The following PCDHGB5 variants were observed in gnomAD, a reference collection of about 807,000 sequenced individuals.
The protein encoded by PCDHGB5 is protocadherin gamma-B5.
Under a neutral mutation model 62.9 loss-of-function variants are expected in PCDHGB5, and 48 were observed. That is an observed-to-expected ratio of 0.76 (90% CI 0.61 to 0.97). PCDHGB5 has a LOEUF of 0.97. PCDHGB5 is among the 50% of genes least tolerant of loss of function. The pLI is 0.00. For synonymous variants in PCDHGB5, 474 were observed against 511.2 expected, an observed-to-expected ratio of 0.93 and a Z score of 0.98; for missense variants, 1,118 against 1,198.6, an observed-to-expected ratio of 0.93 and a Z score of 0.99.
rs372245447 is a variant in PCDHGB5, at chr5:141,489,609, C to T, written c.2398-5198C>T. ...AGCTAATCCGTGTAGAGGTAGAGAT[C>T]CTGGATCTCAATGACAACTCTCCTA... On this transcript the variant is annotated intron_variant, in intron 1 of 3. Coordinates refer to ENST00000617380, the MANE Select transcript of PCDHGB5 (RefSeq NM_018925.3). This position sits in a 1 kb window ranked among gnomAD's most constrained non-coding sequence, Gnocchi z 4.5. The T allele has an allele frequency of 1.9e-6, 3 of 1,613,934 alleles. No homozygotes were observed. The African/African-American group carries it at 4.0e-5, about 22-fold the overall frequency.
At chr5:141,453,780 C>T (rs1330142662) in intron 1 of PCDHGB5, among the ~76,000 whole-genome samples, 3 of 152,090 alleles carry the variant, frequency 2.0e-5, no homozygotes, top group African/African-American at 4.8e-5. Flanking sequence ...TTTTAGTTAC[C>T]ATGGTATATT....
In PCDHGB5 at chr5:141,485,053, G is replaced by A. The variant is rs555996081; in HGVS notation, c.2398-9754G>A. On this transcript the variant is annotated intron_variant, in intron 1 of 3. Coordinates refer to ENST00000617380, the MANE Select transcript of PCDHGB5 (RefSeq NM_018925.3). The surrounding 1 kb of genome is among the most constrained non-coding windows in gnomAD (Gnocchi z 5.7). ...GCGCGTAACCCTTGCGGCGCCGGCC[G>A]AACCGCGCCAGAGCTGGCGCGGGGA... 6.9e-5 allele frequency: 57 copies of A among 820,742 alleles called. 2 individuals carry two copies. In the South Asian group the frequency reaches 9.3e-4, roughly 13 times the overall value. 50.8% of individuals were successfully genotyped at this position (820,742 alleles called of 1,614,324 possible).
chr5:141,417,861 T>A, intron 1 of PCDHGB5: 3 of 1,549,554 alleles, frequency 1.9e-6, no homozygotes, highest in Non-Finnish European at 2.6e-6. Context: ...GAGCGAACGA[T>A]GGGAGGGAGC....
chr5:141,398,768 C>T lies in PCDHGB5; in HGVS notation c.641C>T (p.Ala214Val), dbSNP rs1177677138. ...QQSYHRLVLT[A>V]LDGGHPPLSG... is the part of the protein sequence containing the mutation. ...AGTTACCATCGTTTAGTCCTGACTGCCTTGGACGGTGGACATCCACCCCTA... is the reference window on the plus strand; with the variant it reads ...AGTTACCATCGTTTAGTCCTGACTGTCTTGGACGGTGGACATCCACCCCTA... Residue 214 changes from alanine to valine, a missense_variant, in exon 1 of 4, where the codon GCC (alanine) becomes GTC (valine). By Grantham distance (64) the Ala-to-Val change is moderately conservative. Coordinates refer to ENST00000617380, the MANE Select transcript of PCDHGB5 (RefSeq NM_018925.3). 10 of 1,613,946 alleles carry T rather than the reference C, an allele frequency of 6.2e-6. No individual in the cohort carries two copies. Among genetic ancestry groups the T allele is most frequent in the South Asian group, 1.1e-5 (1 of 91,082 alleles).
At chr5:141,410,532 A>G in intron 1 of PCDHGB5, 1 of 1,613,908 alleles carries the variant, frequency 6.2e-7, no homozygotes, top group Non-Finnish European at 8.5e-7. Context: ...CATTCCAATG[A>G]AGACATGGTT....
chr5:141,422,088 CA>C (rs1235447839), intron 1 of PCDHGB5: 2 of 1,611,912 alleles, frequency 1.2e-6, no homozygotes, highest in Non-Finnish European at 1.7e-6. Flanking sequence ...ACATGGAAAG[CA>C]AGGCTTCTGA....
intron 1 of PCDHGB5, among the ~76,000 whole-genome samples, chr5:141,425,189 T>C (rs1042702500): frequency 2.6e-5 from 4 of 152,116 alleles, no homozygotes; most frequent in African/African-American, 7.2e-5. Flanking sequence ...AATTCCAAAC[T>C]GAGAAAAATG....
chr5:141,399,437 A>G lies in PCDHGB5; in HGVS notation c.1310A>G (p.His437Arg), dbSNP rs780100815. Residue 437 changes from histidine to arginine, a missense_variant, in exon 1 of 4, where the codon CAT becomes CGT. By Grantham distance (29) the His-to-Arg change is conservative (BLOSUM62 0). Transcript: ENST00000617380. ...TCCTCCAGCATAAGCGTCATCCTAC[A>G]TATCAGAGACGTCAACGATAACGCT... ...PLSSSISVIL[H>R]IRDVNDNAPV... 59 of 1,613,998 alleles carry G rather than the reference A, an allele frequency of 3.7e-5. No homozygotes were observed. The highest frequency in any genetic ancestry group is 6.7e-5 in the East Asian group (3 of 44,868).
At chr5:141,415,524 C>G in intron 1 of PCDHGB5, 1 of 1,614,154 alleles carries the variant, frequency 6.2e-7, no homozygotes, top group Non-Finnish European at 8.5e-7. Context: ...CGGACACGCT[C>G]ATCAGCCAGG....
rs1360124362 is a variant in PCDHGB5 at position 141,489,688 on chromosome 5, G to A, written c.2398-5119G>A. On this transcript the variant is annotated intron_variant, in intron 1 of 3. Coordinates refer to ENST00000617380, the MANE Select transcript of PCDHGB5 (RefSeq NM_018925.3). This position sits in a 1 kb window ranked among gnomAD's most constrained non-coding sequence, Gnocchi z 4.5. The stretch of plus-strand genomic sequence containing the variant: ...CATCTCAGAATCAGCAGCATCTGGG[G>A]CACGATTCCCACTGGACAGTGCCCA... 6.2e-7 allele frequency: 1 copy of A among 1,614,150 alleles called. No homozygotes were observed. Among genetic ancestry groups the A allele is most frequent in the Non-Finnish European group, 8.5e-7 (1 of 1,180,012 alleles).
chr5:141,501,501 T>C (rs2099809553), intron 2 of PCDHGB5, among the ~76,000 whole-genome samples: 1 of 151,938 alleles, frequency 6.6e-6, no homozygotes, highest in Non-Finnish European at 1.5e-5. Context: ...CTGCTGGGGC[T>C]CCAAGGCCTC....
intron 1 of PCDHGB5, chr5:141,408,023 A>G (rs2095028170): frequency 1.9e-6 from 2 of 1,054,662 alleles, no homozygotes; most frequent in Middle Eastern, 3.2e-4. Context: ...CCAACAACAG[A>G]AAGAAGAAAA....
intron 1 of PCDHGB5, among the ~76,000 whole-genome samples, chr5:141,442,784 A>C (rs1267270442): frequency 2.0e-5 from 3 of 152,212 alleles, no homozygotes; most frequent in Non-Finnish European, 4.4e-5. Flanking sequence ...ATTATATTTT[A>C]TAATTTTACT....
chr5:141,405,407 C>G, intron 1 of PCDHGB5: 2 of 1,582,052 alleles, frequency 1.3e-6, no homozygotes, highest in Non-Finnish European at 1.7e-6. Flanking sequence ...TCTTTCTTTT[C>G]TTTTTTTGTT....
intron 1 of PCDHGB5, chr5:141,410,798 T>C: frequency 1.4e-6 from 1 of 712,186 alleles, no homozygotes; most frequent in Non-Finnish European, 2.1e-6. Flanking sequence ...CATAAGTTGC[T>C]CTATCTTTTT....
At chr5:141,447,084 T>A (rs2098525776) in intron 1 of PCDHGB5, among the ~76,000 whole-genome samples, 1 of 152,186 alleles carries the variant, frequency 6.6e-6, no homozygotes, top group Non-Finnish European at 1.5e-5. Flanking sequence ...TTTTGTTGTT[T>A]AATTTTCTTT....
chr5:141,478,612 G>A (rs1311028260), intron 1 of PCDHGB5: 2 of 1,558,218 alleles, frequency 1.3e-6, no homozygotes, highest in African/African-American at 1.4e-5. Flanking sequence ...TATTGAGGAA[G>A]GAATGGAGCT....
intron 1 of PCDHGB5, among the ~76,000 whole-genome samples, chr5:141,449,056 G>A (rs149442150): frequency 6.6e-6 from 1 of 152,068 alleles, no homozygotes; most frequent in African/African-American, 2.4e-5. Flanking sequence ...TCATAAATGA[G>A]CGCTATTGAA....
chr5:141,500,870 A>C (rs2099803097), intron 2 of PCDHGB5, among the ~76,000 whole-genome samples: 1 of 139,794 alleles, frequency 7.2e-6, no homozygotes, highest in African/African-American at 2.8e-5. Context: ...ATACACATTC[A>C]TTTACAATTT....
Sources: gnomAD v4.1 joint callset for allele counts (sites outside exome capture counted in the v4.1 genomes callset) on GRCh38, gnomAD v4.1.1 for gene constraint, Gnocchi (gnomAD v3.1) non-coding constraint, MANE v1.5 for transcripts, NCBI Gene and HGNC (gene_info 2026-07-23, HGNC 2026-07-21) for gene names.